Variants in CDK14 observed in about 807,000 individuals in gnomAD.
CDK14 encodes cyclin-dependent kinase 14.
CDK14 carries 34 observed loss-of-function variants against 60.7 expected under a neutral mutation model. The observed-to-expected ratio is 0.56, with a 90% CI of 0.43 to 0.75. The LOEUF (loss-of-function observed/expected upper bound fraction) is 0.75. Among genes scored for constraint, CDK14 ranks in the 30% least tolerant of loss-of-function variants. The pLI, the probability that CDK14 is intolerant of heterozygous loss-of-function variation, is 0.00. For missense variants in CDK14, 482 were observed against 564.1 expected, an observed-to-expected ratio of 0.85 and a Z score of 1.47; for synonymous variants, 197 against 203.7, an observed-to-expected ratio of 0.97 and a Z score of 0.28.
chr7:90,640,408 A>T (rs1800297630), intron 2 of CDK14, among the ~76,000 whole-genome samples: 1 of 152,152 alleles, frequency 6.6e-6, no homozygotes, highest in African/African-American at 2.4e-5. Context: ...AAAAATTTTA[A>T]AGTATGTATG....
intron 14 of CDK14, among the ~76,000 whole-genome samples, chr7:91,161,651 C>T (rs1479049863): frequency 6.6e-6 from 1 of 152,112 alleles, no homozygotes; most frequent in Non-Finnish European, 1.5e-5. Flanking sequence ...TTTAACAAAT[C>T]CTTTCCTTTA....
intron 3 of CDK14, among the ~76,000 whole-genome samples, chr7:90,736,350 GTTTT>G (rs869290471): frequency 6.0e-5 from 3 of 50,314 alleles, no homozygotes; most frequent in African/African-American, 8.8e-5. Context: ...TTATGTTTTT[GTTTT>G]TTTTTTTTTT....
intron 2 of CDK14, among the ~76,000 whole-genome samples, chr7:90,622,789 T>C (rs1584747966): frequency 6.6e-6 from 1 of 152,198 alleles, no homozygotes. Flanking sequence ...CTGGGTAGTT[T>C]ATACTGTTTA....
At chr7:90,960,585 C>G (rs1329848004) in intron 9 of CDK14, among the ~76,000 whole-genome samples, 1 of 152,056 alleles carries the variant, frequency 6.6e-6, no homozygotes, top group East Asian at 1.9e-4. Context: ...ATGTCCACAT[C>G]AAAATTGATT....
intron 2 of CDK14, among the ~76,000 whole-genome samples, chr7:90,687,107 A>C (rs1227070668): frequency 1.3e-5 from 2 of 152,116 alleles, no homozygotes; most frequent in Admixed American, 1.3e-4. Context: ...TTTCAAGTAG[A>C]TCAAATCATC....
chr7:90,885,627 G>A (rs536107084), intron 6 of CDK14, among the ~76,000 whole-genome samples: 21 of 152,264 alleles, frequency 1.4e-4, no homozygotes, highest in African/African-American at 4.6e-4. Context: ...TATGTTTATT[G>A]CAGCACTATT....
intron 2 of CDK14, among the ~76,000 whole-genome samples, chr7:90,662,588 C>A (rs973843798): frequency 2.6e-5 from 4 of 152,332 alleles, no homozygotes; most frequent in East Asian, 3.9e-4. Flanking sequence ...GCTTCACTTT[C>A]CTCCTTTGTA....
intron 5 of CDK14, among the ~76,000 whole-genome samples, chr7:90,855,165 AC>A (rs1790781078): frequency 1.3e-5 from 2 of 152,228 alleles, no homozygotes; most frequent in African/African-American, 4.8e-5. Flanking sequence ...TAGAAAAGAA[AC>A]AGATTTAACA....
Position 90,774,260 on chromosome 7 carries a change from A to T in CDK14, c.465-16313A>T, listed in dbSNP as rs1804924548. 2.6e-5 allele frequency among the ~76,000 whole-genome samples: 4 copies of T among 152,040 alleles called. No homozygotes were observed. The South Asian group carries it at 8.3e-4, about 32-fold the overall frequency. ...AACGCTTAGAATTTGTTCTTTTTAAAATCTATTTAGCTCTTCAGTTATATA... is the reference window on the plus strand; with the variant it reads ...AACGCTTAGAATTTGTTCTTTTTAATATCTATTTAGCTCTTCAGTTATATA... On this transcript the variant is annotated intron_variant, in intron 4 of 14. Coordinates refer to ENST00000380050, the MANE Select transcript of CDK14 (RefSeq NM_001287135.2).
chr7:90,832,443 C>T (rs1261593690), intron 5 of CDK14, among the ~76,000 whole-genome samples: 4 of 152,076 alleles, frequency 2.6e-5, no homozygotes. Flanking sequence ...ACTTAGGCTT[C>T]CTAAAGTAGC....
intron 12 of CDK14, among the ~76,000 whole-genome samples, chr7:91,079,687 C>T (rs561518009): frequency 9.2e-5 from 14 of 152,186 alleles, no homozygotes; most frequent in African/African-American, 3.1e-4. Flanking sequence ...GTTCCTAGAG[C>T]GATGTGGCAT....
intron 2 of CDK14, among the ~76,000 whole-genome samples, chr7:90,654,250 G>A (rs1176895077): frequency 6.6e-6 from 1 of 152,046 alleles, no homozygotes; most frequent in East Asian, 1.9e-4. Context: ...TTATAATAAA[G>A]GTTAACATTT....
chr7:91,167,145 A>G (rs1032342878), intron 14 of CDK14, among the ~76,000 whole-genome samples: 8 of 152,242 alleles, frequency 5.3e-5, no homozygotes, highest in South Asian at 4.1e-4. Context: ...ATACAGCTCT[A>G]TCTATGCCTA....
At chr7:90,739,417 A>AT (rs920668152) in intron 3 of CDK14, among the ~76,000 whole-genome samples, 12 of 152,038 alleles carry the variant, frequency 7.9e-5, no homozygotes, top group Non-Finnish European at 1.6e-4. Context: ...TTTTATTAAA[A>AT]TTTTTTTTGT....
chr7:91,148,031 T>C (rs912105721), intron 14 of CDK14, among the ~76,000 whole-genome samples: 2 of 152,184 alleles, frequency 1.3e-5, no homozygotes, highest in Non-Finnish European at 2.9e-5. Flanking sequence ...CTTCTGAGTA[T>C]GTTTGAATAA....
intron 5 of CDK14, among the ~76,000 whole-genome samples, chr7:90,860,109 G>A (rs1035013188): frequency 3.3e-5 from 5 of 152,094 alleles, no homozygotes; most frequent in Non-Finnish European, 5.9e-5. Context: ...ACTCAGGTAT[G>A]AAGAATTTAT....
At chr7:90,820,727 C>T (rs1330628963) in intron 5 of CDK14, among the ~76,000 whole-genome samples, 1 of 152,146 alleles carries the variant, frequency 6.6e-6, no homozygotes, top group East Asian at 1.9e-4. Flanking sequence ...GTGCTGATTT[C>T]CAGTCCACAT....
intron 14 of CDK14, among the ~76,000 whole-genome samples, chr7:91,197,745 A>G (rs919631750): frequency 8.5e-5 from 13 of 152,262 alleles, no homozygotes; most frequent in Non-Finnish European, 1.5e-4. Flanking sequence ...TTTATTTCTC[A>G]TAATGGTACA....
chr7:90,671,216 C>A (rs563689200), intron 2 of CDK14, among the ~76,000 whole-genome samples: 1 of 152,106 alleles, frequency 6.6e-6, no homozygotes, highest in East Asian at 1.9e-4. Flanking sequence ...TTCCAGCGTT[C>A]AGGATTTCCA....
Sources: allele counts gnomAD v4.1 joint callset (sites outside exome capture counted in the v4.1 genomes callset), GRCh38; gene constraint gnomAD v4.1.1; transcripts MANE v1.5; gene names NCBI Gene and HGNC (gene_info 2026-07-23, HGNC 2026-07-21).